Variants in IFT43 observed in about 807,000 individuals in gnomAD.
The protein encoded by IFT43 is intraflagellar transport 43, also known as intraflagellar transport protein 43 homolog.
IFT43 carries 33 observed loss-of-function variants against 32.3 expected under a neutral mutation model. The ratio of observed to expected loss-of-function variants is 1.02; its 90% confidence interval spans 0.77 to 1.37. The LOEUF (loss-of-function observed/expected upper bound fraction) is 1.37. Among genes scored for constraint, IFT43 ranks in the 40% most tolerant of loss-of-function variants. IFT43 has a pLI of 0.00. For synonymous variants in IFT43, 93 were observed against 98.2 expected, an observed-to-expected ratio of 0.95 and a Z score of 0.31; for missense variants, 274 against 265.9, an observed-to-expected ratio of 1.03 and a Z score of -0.21.
intron 2 of IFT43, among the ~76,000 whole-genome samples, chr14:75,991,670 C>A (rs914984287): frequency 2.5e-4 from 38 of 152,198 alleles, no homozygotes; most frequent in Admixed American, 1.3e-3. Flanking sequence ...TGTGATGAAT[C>A]CTTTCAGGGT....
intron 5 of IFT43, among the ~76,000 whole-genome samples, chr14:76,078,831 C>T (rs1015623088): frequency 1.3e-5 from 2 of 152,190 alleles, no homozygotes; most frequent in African/African-American, 4.8e-5. Flanking sequence ...TTCAAGGTGC[C>T]TGGCCACCTC....
chr14:75,986,805 ATC>A (rs1230305996), intron 1 of IFT43, among the ~76,000 whole-genome samples: 17 of 152,246 alleles, frequency 1.1e-4, no homozygotes, highest in Admixed American at 8.5e-4. Flanking sequence ...CTGCTGTGAA[ATC>A]TCTAAGTGTT....
At chr14:76,009,554 G>T (rs542632973) in intron 2 of IFT43, among the ~76,000 whole-genome samples, 1 of 152,212 alleles carries the variant, frequency 6.6e-6, no homozygotes, top group Admixed American at 6.5e-5. Flanking sequence ...CTTCATTTCA[G>T]CTTAAATGGA....
intron 5 of IFT43, among the ~76,000 whole-genome samples, chr14:76,060,508 C>T (rs954746796): frequency 1.3e-5 from 2 of 151,160 alleles, no homozygotes; most frequent in African/African-American, 2.4e-5. Context: ...CGTGAGCCAC[C>T]GCGCCCGGCC....
chr14:76,016,031 T>G (rs1448974683), intron 2 of IFT43, among the ~76,000 whole-genome samples: 1 of 152,236 alleles, frequency 6.6e-6, no homozygotes, highest in Non-Finnish European at 1.5e-5. Context: ...TTGGGTTTTT[T>G]GCTATTGAAT....
In IFT43 at chr14:76,076,693, T is replaced by C. The variant is rs141114765; in HGVS notation, c.296-5602T>C. On this transcript the variant is annotated intron_variant, in intron 5 of 8. Coordinates refer to ENST00000314067, the MANE Select transcript of IFT43 (RefSeq NM_001102564.3). ...GGCTGGCTTCATTGGAAGAGGCAGGTAGGCTTTTGACTGTCAGTCTACGGG... is the reference window on the plus strand; with the variant it reads ...GGCTGGCTTCATTGGAAGAGGCAGGCAGGCTTTTGACTGTCAGTCTACGGG... 469 of 1,614,064 alleles carry C rather than the reference T, an allele frequency of 2.9e-4. 1 individual carries two copies. Among genetic ancestry groups the C allele is most frequent in the Middle Eastern group, 1.8e-3 (11 of 6,062 alleles).
At chr14:76,008,944 C>G (rs1214545201) in intron 2 of IFT43, among the ~76,000 whole-genome samples, 1 of 152,186 alleles carries the variant, frequency 6.6e-6, no homozygotes, top group African/African-American at 2.4e-5. Context: ...ATGCTATTTT[C>G]TGGACCTCCT....
intron 2 of IFT43, among the ~76,000 whole-genome samples, chr14:76,008,256 G>T (rs1047240981): frequency 6.6e-6 from 1 of 152,166 alleles, no homozygotes; most frequent in Non-Finnish European, 1.5e-5. Context: ...AATGAAATAT[G>T]TGCAAGGCCT....
intron 2 of IFT43, among the ~76,000 whole-genome samples, chr14:76,003,055 G>A (rs1394441820): frequency 6.6e-6 from 1 of 152,230 alleles, no homozygotes. Flanking sequence ...CTGAAAAGGA[G>A]CAGAATGATA....
chr14:76,058,386 C>T (rs1029136283), intron 3 of IFT43: 4 of 426,448 alleles, frequency 9.4e-6, no homozygotes, highest in Non-Finnish European at 1.3e-5. Context: ...GAATTTTAAG[C>T]CACTCGCTCA....
chr14:76,083,284 C>T lies in IFT43; in HGVS notation c.502C>T (p.Arg168Trp), dbSNP rs1483926431. The change falls in exon 8 of 9, where the codon CGG becomes TGG. Residue 168 changes from arginine to tryptophan, a missense_variant. Transcript: ENST00000314067. ...TKVLAPEHEVREDDVGWDWDH... is the reference protein window; with the variant it reads ...TKVLAPEHEVWEDDVGWDWDH... ...AGTGCTCGCGCCGGAGCACGAAGTC[C>T]GGGAGGTACAGTGGTGGCAGCAATT... 6.8e-6 allele frequency: 11 copies of T among 1,613,440 alleles called. No homozygotes were observed. The highest frequency in any genetic ancestry group is 4.4e-5 in the South Asian group (4 of 91,062).
At chr14:76,019,434 G>T (rs774038478) in intron 2 of IFT43, among the ~76,000 whole-genome samples, 1 of 150,476 alleles carries the variant, frequency 6.6e-6, no homozygotes, top group African/African-American at 2.5e-5. Flanking sequence ...TTCCTGGCCC[G>T]TAAGGTTTCT....
At chr14:76,001,962 TC>T (rs2035894223) in intron 2 of IFT43, among the ~76,000 whole-genome samples, 1 of 152,212 alleles carries the variant, frequency 6.6e-6, no homozygotes, top group Non-Finnish European at 1.5e-5. Flanking sequence ...AAATCCCACA[TC>T]TTGGCCGGAC....
In IFT43 at chr14:75,997,334, C is replaced by A. The variant is rs373992282; in HGVS notation, c.147+8357C>A. On this transcript the variant is annotated intron_variant, in intron 2 of 8. Coordinates refer to ENST00000314067, the MANE Select transcript of IFT43 (RefSeq NM_001102564.3). ...TTGAAAACCAGCCCCTTTGCCTTTT[C>A]ACAAATGACCTATATGAGGTCAACA... Among the ~76,000 whole-genome samples, 188 of 152,316 alleles carry A rather than the reference C, an allele frequency of 1.2e-3. 5 individuals carry two copies. In the South Asian group the frequency reaches 0.037, roughly 30 times the overall value.
chr14:76,023,795 T>A (rs1202485615), intron 3 of IFT43, among the ~76,000 whole-genome samples: 1 of 152,242 alleles, frequency 6.6e-6, no homozygotes, highest in South Asian at 2.1e-4. Context: ...GTTATTTTGA[T>A]TATGAAGAAT....
At chr14:76,069,140 T>C (rs553330230) in intron 5 of IFT43, among the ~76,000 whole-genome samples, 1 of 152,222 alleles carries the variant, frequency 6.6e-6, no homozygotes, top group Non-Finnish European at 1.5e-5. Context: ...TCAGGAAGCT[T>C]CCACTCATGG....
At chr14:76,082,199 T>C in intron 5 of IFT43, 96 bp from the exon 6 acceptor site, 2 of 1,108,054 alleles carry the variant, frequency 1.8e-6, no homozygotes, top group Middle Eastern at 2.1e-4. Flanking sequence ...CACAGCCCCA[T>C]GGCTGGTGTG....
intron 2 of IFT43, among the ~76,000 whole-genome samples, chr14:75,993,845 A>C (rs1466681720): frequency 6.6e-6 from 1 of 152,176 alleles, no homozygotes; most frequent in African/African-American, 2.4e-5. Context: ...TTCAAGGTGC[A>C]TGCCAGTAAG....
intron 3 of IFT43, among the ~76,000 whole-genome samples, chr14:76,034,238 C>T (rs539324312): frequency 5.3e-5 from 8 of 152,190 alleles, no homozygotes; most frequent in Non-Finnish European, 1.2e-4. Context: ...GATCAGGGTG[C>T]CATTGTGGTT....
Sources: allele counts gnomAD v4.1 joint callset (sites outside exome capture counted in the v4.1 genomes callset), GRCh38; gene constraint gnomAD v4.1.1; transcripts MANE v1.5; gene names NCBI Gene and HGNC (gene_info 2026-07-23, HGNC 2026-07-21).